MEIS1: variants seen among roughly 807,000 people sequenced by gnomAD.
MEIS1 encodes Meis homeobox 1.
A neutral mutation model predicts 50.8 loss-of-function variants in MEIS1; 5 were observed. That is an observed-to-expected ratio of 0.10 (90% CI 0.05 to 0.21). The LOEUF is 0.21. Ranked by LOEUF, MEIS1 falls within the 10% of genes least tolerant of loss-of-function variation. The probability of loss-of-function intolerance (pLI) is 1.00; values close to 1 mark genes in which losing one functional copy is unlikely to be tolerated. For missense variants in MEIS1, 318 were observed against 517.3 expected (o/e 0.61, Z 3.74); for synonymous variants, 176 against 179.3 (o/e 0.98, Z 0.15).
chr2:66,557,780 A>G (rs1256037331), intron 9 of MEIS1, among the ~76,000 whole-genome samples: 1 of 152,208 alleles, frequency 6.6e-6, no homozygotes, highest in Non-Finnish European at 1.5e-5. Flanking sequence ...CAGTATAGCA[A>G]CAAAGACCTG....
chr2:66,449,430 C>G (rs1268154100), intron 6 of MEIS1, among the ~76,000 whole-genome samples: 1 of 152,012 alleles, frequency 6.6e-6, no homozygotes, highest in African/African-American at 2.4e-5. Flanking sequence ...AAAGTTCAAG[C>G]AAATGAGTGT....
chr2:66,522,506 A>G (rs1008153198), intron 8 of MEIS1, among the ~76,000 whole-genome samples: 12 of 152,216 alleles, frequency 7.9e-5, no homozygotes, highest in Non-Finnish European at 1.2e-4. Context: ...TAGGAGATAT[A>G]CGTGTCTGGC....
chr2:66,447,698 T>A (rs1573128962), intron 6 of MEIS1, among the ~76,000 whole-genome samples: 1 of 152,160 alleles, frequency 6.6e-6, no homozygotes. Flanking sequence ...TTTTAAAACA[T>A]TCTAGAAAAA....
intron 8 of MEIS1, among the ~76,000 whole-genome samples, chr2:66,545,600 A>G (rs1017163829): frequency 6.6e-6 from 1 of 152,206 alleles, no homozygotes; most frequent in East Asian, 1.9e-4. Context: ...TAGTAGAGAC[A>G]TAGACCTACT....
chr2:66,523,082 C>T (rs774798949), intron 8 of MEIS1, among the ~76,000 whole-genome samples: 1 of 152,160 alleles, frequency 6.6e-6, no homozygotes, highest in African/African-American at 2.4e-5. Context: ...TTTCCTAATT[C>T]GTTTTTACAC....
At chr2:66,539,156 G>C (rs1338143850) in intron 8 of MEIS1, among the ~76,000 whole-genome samples, 1 of 152,090 alleles carries the variant, frequency 6.6e-6, no homozygotes, top group African/African-American at 2.4e-5. Context: ...TAAAGTGCTG[G>C]TATTACAGGT....
At chr2:66,529,902 T>C (rs1358705150) in intron 8 of MEIS1, among the ~76,000 whole-genome samples, 1 of 152,162 alleles carries the variant, frequency 6.6e-6, no homozygotes, top group East Asian at 1.9e-4. Flanking sequence ...GCCTACTTAC[T>C]TACTTAGGCA....
At chr2:66,509,038 T>C (rs1171221305) in intron 7 of MEIS1, 1 of 471,300 alleles carries the variant, frequency 2.1e-6, no homozygotes, top group East Asian at 6.9e-5. Flanking sequence ...TGTTTAGTGA[T>C]CTCAAAAGTA....
chr2:66,566,836 A>G (rs1675361456), intron 9 of MEIS1, among the ~76,000 whole-genome samples: 1 of 151,560 alleles, frequency 6.6e-6, no homozygotes, highest in South Asian at 2.1e-4. Flanking sequence ...AACAACAACA[A>G]AAAAAGCCAC....
intron 12 of MEIS1, chr2:66,570,368 A>G (rs1675454451): frequency 6.6e-6 from 1 of 152,094 alleles, no homozygotes; most frequent in Admixed American, 6.6e-5. Flanking sequence ...AAAAAAAATT[A>G]TCATCTTTTT....
intron 7 of MEIS1, among the ~76,000 whole-genome samples, chr2:66,465,253 A>G (rs1278273152): frequency 6.6e-6 from 1 of 152,246 alleles, no homozygotes; most frequent in African/African-American, 2.4e-5. Flanking sequence ...TGTACTGGGA[A>G]TAACTTCAAC....
intron 1 of MEIS1, 94 bp downstream of exon 1, chr2:66,435,962 T>G: frequency 8.4e-7 from 1 of 1,184,136 alleles, no homozygotes; most frequent in Non-Finnish European, 1.2e-6. Flanking sequence ...TTTTTCTCTC[T>G]CTCTTTTAAA....
chr2:66,470,143 A>C (rs1672732518), intron 7 of MEIS1, among the ~76,000 whole-genome samples: 1 of 152,198 alleles, frequency 6.6e-6, no homozygotes, highest in Admixed American at 6.5e-5. Flanking sequence ...TTTCAATGGC[A>C]CTGTAATGAT....
intron 5 of MEIS1, chr2:66,441,724 A>C (rs1671989147): frequency 2.2e-6 from 1 of 450,692 alleles, no homozygotes; most frequent in Non-Finnish European, 3.9e-6. Flanking sequence ...AAATAGTTGC[A>C]ATTCTGTGCA....
intron 6 of MEIS1, among the ~76,000 whole-genome samples, chr2:66,456,209 C>T (rs1672383335): frequency 7.1e-6 from 1 of 141,636 alleles, no homozygotes; most frequent in Non-Finnish European, 1.5e-5. Flanking sequence ...TACAAACTAC[C>T]CACAGTGACT....
chr2:66,490,282 CT>C (rs910761950), intron 7 of MEIS1, among the ~76,000 whole-genome samples: 61 of 152,160 alleles, frequency 4.0e-4, no homozygotes, highest in African/African-American at 1.4e-3. Context: ...TGGAAACAGA[CT>C]GTGTAGCCGG....
chr2:66,531,727 A>C (rs1339102998), intron 8 of MEIS1, among the ~76,000 whole-genome samples: 1 of 152,210 alleles, frequency 6.6e-6, no homozygotes, highest in African/African-American at 2.4e-5. Flanking sequence ...ATGTGCTTAC[A>C]TCTGCTGATT....
In MEIS1 at chr2:66,573,864, A is replaced by G. The variant is rs1281838833; in HGVS notation, c.*2656A>G. 1 of 151,912 alleles carries G rather than the reference A, an allele frequency of 6.6e-6. No homozygotes were observed. Among genetic ancestry groups the G allele is most frequent in the Non-Finnish European group, 1.5e-5 (1 of 68,002 alleles). The allele number at this position is 151,912 out of a possible 1,614,324, so 9.4% of individuals were successfully genotyped here. A position where few individuals can be genotyped will look rare whatever the true frequency, so the allele number is the denominator to read the frequency against. On this transcript the variant is annotated 3_prime_UTR_variant, in exon 13 of 13. Coordinates refer to ENST00000272369, the MANE Select transcript of MEIS1 (RefSeq NM_002398.3). ...TAACAATTAATAATAAACTTTATAA[A>G]CTGTCTATTTGCTCCTCCTCTCCAG...
intron 5 of MEIS1, chr2:66,441,948 G>C (rs1225450694): frequency 1.2e-5 from 2 of 161,518 alleles, no homozygotes; most frequent in Non-Finnish European, 2.7e-5. Flanking sequence ...GAGCGGGAAG[G>C]AGTCTGGAGG....
Sources: gnomAD v4.1 joint callset for allele counts (sites outside exome capture counted in the v4.1 genomes callset) on GRCh38, gnomAD v4.1.1 for gene constraint, MANE v1.5 for transcripts, NCBI Gene and HGNC (gene_info 2026-07-23, HGNC 2026-07-21) for gene names.